The following VCL variants were observed in gnomAD, a reference collection of about 807,000 sequenced individuals.
VCL encodes the protein epididymis luminal protein 114.
In VCL, 47 loss-of-function variants were observed where a neutral mutation model predicts 125.7. The ratio of observed to expected loss-of-function variants is 0.37; its 90% CI spans 0.30 to 0.48. The LOEUF (loss-of-function observed/expected upper bound fraction) is 0.48, where lower values mean the gene tolerates loss of function less well. Ranked by LOEUF, VCL falls within the 20% of genes least tolerant of loss-of-function variation. The pLI, the probability that VCL is intolerant of heterozygous loss-of-function variation, is 0.99. For missense variants in VCL, 1,069 were observed against 1,455.5 expected (o/e 0.73, Z 4.32); for synonymous variants, 458 against 514.6 (o/e 0.89, Z 1.49).
At chr10:74,069,787 T>C (rs1384741818) in intron 2 of VCL, among the ~76,000 whole-genome samples, 1 of 152,204 alleles carries the variant, frequency 6.6e-6, no homozygotes, top group Non-Finnish European at 1.5e-5. Flanking sequence ...AATGAATGAA[T>C]ACATTTTATT....
At chr10:74,010,020 GTTCAAGTGA>G (rs1840402185) in intron 1 of VCL, among the ~76,000 whole-genome samples, 1 of 152,008 alleles carries the variant, frequency 6.6e-6, no homozygotes, top group South Asian at 2.1e-4. Context: ...TGCCTCCTGG[GTTCAAGTGA>G]TCCTCCCTCT....
At position 74,062,151 on chromosome 10, in the gene VCL, A is replaced by G. The variant is rs533134118; in HGVS notation, c.240-8519A>G. On this transcript the variant is annotated intron_variant, in intron 2 of 21. Coordinates refer to ENST00000211998, the MANE Select transcript of VCL (RefSeq NM_014000.3). ...ACAATCACGGCTCACTGCATCCTCA[A>G]CTTCCCTGGGTTTAGGTGATCCAGC... 5.9e-5 allele frequency among the ~76,000 whole-genome samples: 9 copies of G among 152,064 alleles called. No individual in the cohort carries two copies. The South Asian group carries it at 8.3e-4, about 14-fold the overall frequency.
chr10:74,008,548 T>C (rs1208715597), intron 1 of VCL, among the ~76,000 whole-genome samples: 1 of 152,222 alleles, frequency 6.6e-6, no homozygotes, highest in Non-Finnish European at 1.5e-5. Flanking sequence ...TGTAGTCTCA[T>C]ACTATGAGTC....
chr10:74,059,561 C>A (rs1214925760), intron 2 of VCL, among the ~76,000 whole-genome samples: 1 of 152,056 alleles, frequency 6.6e-6, no homozygotes, highest in South Asian at 2.1e-4. Context: ...TGTGCCACCA[C>A]GCTTGGCTAA....
intron 2 of VCL, 102 bp from the exon 3 acceptor site, chr10:74,070,568 G>GA: frequency 2.6e-6 from 4 of 1,552,972 alleles, no homozygotes; most frequent in South Asian, 2.2e-5. Flanking sequence ...TTCATGTAGG[G>GA]AAAAAAACTG....
At chr10:74,018,203 A>ATATATATATATATATATAAAT (rs1840596114) in intron 1 of VCL, among the ~76,000 whole-genome samples, 1 of 73,658 alleles carries the variant, frequency 1.4e-5, no homozygotes, top group African/African-American at 4.7e-5. Flanking sequence ...TATATATATA[A>ATATATATATATATATATAAAT]ATACATATAT....
chr10:74,058,645 C>T (rs2136262749), intron 2 of VCL, among the ~76,000 whole-genome samples: 1 of 151,450 alleles, frequency 6.6e-6, no homozygotes, highest in Admixed American at 6.6e-5. Flanking sequence ...AAGTGCTTTC[C>T]AGTTTTAATT....
At chr10:74,082,246 A>C (rs932212337) in intron 6 of VCL, among the ~76,000 whole-genome samples, 1 of 152,252 alleles carries the variant, frequency 6.6e-6, no homozygotes, top group Non-Finnish European at 1.5e-5. Flanking sequence ...GTTTAGCAAC[A>C]GAGTAGAATT....
intron 1 of VCL, among the ~76,000 whole-genome samples, chr10:74,019,681 C>G (rs909074886): frequency 7.9e-5 from 12 of 152,124 alleles, no homozygotes; most frequent in African/African-American, 2.9e-4. Context: ...AAGATAAATT[C>G]TAGAGATAGA....
At chr10:74,014,907 T>C (rs1404699070) in intron 1 of VCL, among the ~76,000 whole-genome samples, 3 of 152,190 alleles carry the variant, frequency 2.0e-5, no homozygotes, top group Admixed American at 2.0e-4. Flanking sequence ...CAAGCTGGTC[T>C]TGAACTCCTG....
intron 8 of VCL, among the ~76,000 whole-genome samples, chr10:74,084,704 C>T (rs1462523381): frequency 6.6e-6 from 1 of 152,124 alleles, no homozygotes; most frequent in Non-Finnish European, 1.5e-5. Context: ...CCTTCGCCTC[C>T]TGGGTTCAAG....
intron 2 of VCL, among the ~76,000 whole-genome samples, chr10:74,067,779 T>A (rs754342939): frequency 6.6e-6 from 1 of 152,194 alleles, no homozygotes; most frequent in Non-Finnish European, 1.5e-5. Flanking sequence ...GTTTCCACAA[T>A]AGGCAAATCC....
intron 13 of VCL, among the ~76,000 whole-genome samples, chr10:74,099,615 G>T (rs1275738026): frequency 2.0e-5 from 3 of 152,138 alleles, no homozygotes; most frequent in Non-Finnish European, 1.5e-5. Flanking sequence ...GCACATAGTA[G>T]GTGCTCAGTA....
rs1179768885 is a variant in VCL, at chr10:74,119,711, T to TTAAG, written c.*1544_*1547dup. ...GTTCCCAACATCGAATGTGTACAAC[T>TTAAG]TAAGTTGGTCCTTTACACTCAGGCT... On this transcript the variant is annotated 3_prime_UTR_variant, in exon 22 of 22. Transcript: ENST00000211998. 1.3e-5 allele frequency: 2 copies of TTAAG among 152,480 alleles called. No individual in the cohort carries two copies. The highest frequency in any genetic ancestry group is 4.8e-5 in the African/African-American group (2 of 41,416). The allele number at this position is 152,480 out of a possible 1,614,324, so 9.4% of individuals were successfully genotyped here.
At chr10:74,006,768 G>A (rs1009487801) in intron 1 of VCL, among the ~76,000 whole-genome samples, 1 of 152,016 alleles carries the variant, frequency 6.6e-6, no homozygotes, top group African/African-American at 2.4e-5. Flanking sequence ...AATGAATTTT[G>A]TGTTTAACCT....
intron 1 of VCL, among the ~76,000 whole-genome samples, chr10:74,017,861 T>C (rs981031447): frequency 7.9e-5 from 12 of 151,980 alleles, no homozygotes; most frequent in African/African-American, 2.7e-4. Context: ...GCAAGGCACC[T>C]TTAAAATCTG....
At chr10:74,104,853 G>A in intron 15 of VCL, 198 bp from the exon 16 acceptor site, 1 of 653,910 alleles carries the variant, frequency 1.5e-6, no homozygotes, top group Non-Finnish European at 2.6e-6. Flanking sequence ...ATCCAGATGG[G>A]CTTTTGGGCT....
chr10:74,049,391 A>G (rs934597550), intron 2 of VCL, among the ~76,000 whole-genome samples: 1 of 152,136 alleles, frequency 6.6e-6, no homozygotes, highest in Non-Finnish European at 1.5e-5. Context: ...TGGAAACACT[A>G]CTGCAGAGAA....
chr10:74,009,319 C>T (rs573065649), intron 1 of VCL, among the ~76,000 whole-genome samples: 6 of 147,216 alleles, frequency 4.1e-5, no homozygotes, highest in East Asian at 2.1e-4. Flanking sequence ...AGTGCAGTGG[C>T]GCCATCTCGG....
Sources: gnomAD v4.1 joint callset for allele counts (sites outside exome capture counted in the v4.1 genomes callset) on GRCh38, gnomAD v4.1.1 for gene constraint, MANE v1.5 for transcripts, NCBI Gene and HGNC (gene_info 2026-07-23, HGNC 2026-07-21) for gene names.